PNPLA5: variants seen among roughly 807,000 people sequenced by gnomAD.
The protein encoded by PNPLA5 is patatin-like phospholipase domain-containing protein 5.
Under a neutral mutation model 49.1 loss-of-function variants are expected in PNPLA5, and 44 were observed. The observed-to-expected ratio is 0.90, with a 90% CI of 0.70 to 1.15. The LOEUF (loss-of-function observed/expected upper bound fraction) is 1.15. PNPLA5 is among the 50% of genes most tolerant of loss of function. The probability of loss-of-function intolerance (pLI) is 0.00; values close to 1 mark genes in which losing one functional copy is unlikely to be tolerated. For missense variants in PNPLA5, 603 were observed against 564.0 expected (o/e 1.07, Z -0.70); for synonymous variants, 243 against 244.4 (o/e 0.99, Z 0.06).
Position 43,891,830 on chromosome 22 carries a change from G to A in PNPLA5, c.51C>T (p.Ala17=), listed in dbSNP as rs1318402220. The A allele has an allele frequency of 2.0e-6, 3 of 1,520,058 alleles. No individual in the cohort carries two copies. The highest frequency in any genetic ancestry group is 2.5e-5 in the South Asian group (2 of 79,860). 94.2% of individuals were successfully genotyped at this position (1,520,058 alleles called of 1,614,324 possible). A position where few individuals can be genotyped will look rare whatever the true frequency, so the allele number is the denominator to read the frequency against. The change falls in exon 1 of 9, where the codon GCC becomes GCT. Residue 17 remains alanine (A), a synonymous_variant. Transcript: ENST00000216177. ...EGRWNLSFSG[A]GYLGAHHVGA... ...CCACGTGGTGGGCGCCCAGGTAGCCGGCGCCGGAGAAGGACAGGTTCCATC... is the reference window on the plus strand; with the variant it reads ...CCACGTGGTGGGCGCCCAGGTAGCCAGCGCCGGAGAAGGACAGGTTCCATC...
Position 43,891,823 on chromosome 22 carries a change from G to A in PNPLA5, c.58C>T (p.Leu20=), listed in dbSNP as rs2049728866. Residue 20 remains leucine (L), a synonymous_variant, in exon 1 of 9, where the codon CTG becomes TTG. Transcript: ENST00000216177. The stretch of plus-strand genomic sequence containing the variant: ...GTGGCGCCCACGTGGTGGGCGCCCA[G>A]GTAGCCGGCGCCGGAGAAGGACAGG... ...WNLSFSGAGY[L]GAHHVGATEC... is the part of the protein sequence containing the mutation. 2 of 1,520,148 alleles carry A rather than the reference G, an allele frequency of 1.3e-6. No homozygotes were observed. Among genetic ancestry groups the A allele is most frequent in the Non-Finnish European group, 1.8e-6 (2 of 1,138,918 alleles). The allele number at this position is 1,520,148 out of a possible 1,614,324, so 94.2% of individuals were successfully genotyped here. A position where few individuals can be genotyped will look rare whatever the true frequency, so the allele number is the denominator to read the frequency against.
Position 43,890,376 on chromosome 22 carries a change from G to A in PNPLA5, c.427-512C>T, listed in dbSNP as rs141600536. ...AAAGTTTGCAAGCTCTGGGTTGGTG[G>A]TTCTCAACTAGGAGTGATTTTCTCC... is the stretch of plus-strand genomic sequence containing the variant. On this transcript the variant is annotated intron_variant, in intron 2 of 8. Coordinates refer to ENST00000216177, the MANE Select transcript of PNPLA5 (RefSeq NM_138814.4). 1.1e-3 allele frequency among the ~76,000 whole-genome samples: 162 copies of A among 152,286 alleles called. 1 individual carries two copies. The highest frequency in any genetic ancestry group is 3.4e-3 in the Middle Eastern group (1 of 294).
intron 8 of PNPLA5, 34 bp from the exon 9 acceptor site, chr22:43,880,919 T>C: frequency 7.6e-7 from 1 of 1,312,396 alleles, no homozygotes; most frequent in Non-Finnish European, 9.8e-7. Flanking sequence ...GGTAAATGCC[T>C]GGGGCTCGGG....
chr22:43,891,552 G>T, intron 1 of PNPLA5, 136 bp downstream of exon 1: 1 of 1,302,696 alleles, frequency 7.7e-7, no homozygotes, highest in Non-Finnish European at 1.0e-6. Flanking sequence ...AGCACTCGGT[G>T]TTCTCATGGG....
At position 43,880,767 on chromosome 22, in the gene PNPLA5, G is replaced by A. The variant is rs1230934888; in HGVS notation, c.*28C>T. On this transcript the variant is annotated 3_prime_UTR_variant, in exon 9 of 9. Coordinates refer to ENST00000216177, the MANE Select transcript of PNPLA5 (RefSeq NM_138814.4). The stretch of plus-strand genomic sequence containing the variant: ...CCAGAGCAGGAATCAAGGGACACCA[G>A]TCACTGGGCTGGCCCTGCTCGGCCC... 6 of 1,311,666 alleles carry A rather than the reference G, an allele frequency of 4.6e-6. No homozygotes were observed. The highest frequency in any genetic ancestry group is 5.9e-6 in the Non-Finnish European group (6 of 1,025,120). 81.3% of individuals were successfully genotyped at this position (1,311,666 alleles called of 1,614,324 possible).
intron 7 of PNPLA5, 111 bp from the exon 8 acceptor site, chr22:43,881,785 T>C: frequency 6.8e-7 from 1 of 1,477,964 alleles, no homozygotes; most frequent in East Asian, 2.5e-5. Context: ...TCCTGAGGGC[T>C]GCCCAGGTTA....
rs1240660770 is a variant in PNPLA5, at chr22:43,891,837, GAGA to G, written c.41_43del (p.Phe14del). On this transcript the variant is annotated inframe_deletion, in exon 1 of 9. Coordinates refer to ENST00000216177, the MANE Select transcript of PNPLA5 (RefSeq NM_138814.4). ...GTGGGCGCCCAGGTAGCCGGCGCCG[GAGA>G]AGGACAGGTTCCATCTGCCCTCCTC... 130 of 1,520,992 alleles carry G rather than the reference GAGA, an allele frequency of 8.5e-5. No homozygotes were observed. Among genetic ancestry groups the G allele is most frequent in the Non-Finnish European group, 1.1e-4 (126 of 1,139,256 alleles). 94.2% of individuals were successfully genotyped at this position (1,520,992 alleles called of 1,614,324 possible).
At chr22:43,888,371 AGTGTGTGTGTGTGTGT>A (rs35343347) in intron 4 of PNPLA5, among the ~76,000 whole-genome samples, 16 of 112,988 alleles carry the variant, frequency 1.4e-4, no homozygotes, top group African/African-American at 2.9e-4. Context: ...GGGGCAGAGG[AGTGTGTGTGTGTGTGT>A]GTGTGTGTGT....
intron 6 of PNPLA5, among the ~76,000 whole-genome samples, chr22:43,885,462 C>T (rs1306262798): frequency 6.6e-6 from 1 of 151,710 alleles, no homozygotes; most frequent in Non-Finnish European, 1.5e-5. Flanking sequence ...GACCACCTGC[C>T]CACCCTGCCA....
At chr22:43,885,017 G>T (rs895351026) in intron 6 of PNPLA5, among the ~76,000 whole-genome samples, 1 of 152,196 alleles carries the variant, frequency 6.6e-6, no homozygotes, top group Admixed American at 6.5e-5. Flanking sequence ...GTCCTAGGAC[G>T]AGTCCTAGCT....
chr22:43,883,124 T>G (rs537992800), intron 7 of PNPLA5, among the ~76,000 whole-genome samples: 1 of 152,354 alleles, frequency 6.6e-6, no homozygotes, highest in African/African-American at 2.4e-5. Flanking sequence ...GAGAACATTC[T>G]CCTTGTCCTC....
chr22:43,889,781 G>A lies in PNPLA5; in HGVS notation c.492+18C>T, dbSNP rs544345852. ...CAGGCTGCCCAGAGCACAGAACGGG[G>A]TTCCAGAGTGCACTCACCTCCCCTC... On this transcript the variant is annotated intron_variant, in intron 3 of 8. Coordinates refer to ENST00000216177, the MANE Select transcript of PNPLA5 (RefSeq NM_138814.4). 1 of 1,610,548 alleles carries A rather than the reference G, an allele frequency of 6.2e-7. No homozygotes were observed. Among genetic ancestry groups the A allele is most frequent in the South Asian group, 1.1e-5 (1 of 90,522 alleles).
At chr22:43,887,894 G>T (rs2049682616) in intron 4 of PNPLA5, among the ~76,000 whole-genome samples, 1 of 152,198 alleles carries the variant, frequency 6.6e-6, no homozygotes, top group African/African-American at 2.4e-5. Flanking sequence ...CAGGACCATT[G>T]CATCTCCCCC....
rs549435243 is a variant in PNPLA5 at position 43,889,786 on chromosome 22, A to G, written c.492+13T>C. The G allele has an allele frequency of 1.9e-6, 3 of 1,611,326 alleles. No individual in the cohort carries two copies. In the East Asian group the frequency reaches 6.7e-5, roughly 36 times the overall value. On this transcript the variant is annotated intron_variant, in intron 3 of 8. Coordinates refer to ENST00000216177, the MANE Select transcript of PNPLA5 (RefSeq NM_138814.4). Reference sequence around the variant, plus strand: ...TGCCCAGAGCACAGAACGGGGTTCCAGAGTGCACTCACCTCCCCTCTGAAC... The same window carrying G: ...TGCCCAGAGCACAGAACGGGGTTCCGGAGTGCACTCACCTCCCCTCTGAAC...
intron 4 of PNPLA5, among the ~76,000 whole-genome samples, chr22:43,888,792 TA>T (rs1182603887): frequency 6.6e-6 from 1 of 152,140 alleles, no homozygotes; most frequent in Non-Finnish European, 1.5e-5. Context: ...TACCAAGGGG[TA>T]AAAAAACGCT....
intron 6 of PNPLA5, among the ~76,000 whole-genome samples, chr22:43,884,663 C>T (rs932307069): frequency 9.2e-5 from 14 of 152,322 alleles, no homozygotes; most frequent in Admixed American, 2.6e-4. Context: ...TTGTTTCTAC[C>T]TCTTCTGCCC....
Position 43,880,163 on chromosome 22 carries a change from T to C in PNPLA5, c.*632A>G. The C allele has an allele frequency of 2.7e-6, 1 of 363,654 alleles. No homozygotes were observed. The allele number at this position is 363,654 out of a possible 1,614,324, so 22.5% of individuals were successfully genotyped here. A position where few individuals can be genotyped will look rare whatever the true frequency, so the allele number is the denominator to read the frequency against. The stretch of plus-strand genomic sequence containing the variant: ...CAAACCTTCTGCAGGAATGAGGCTG[T>C]GGGGATAGCAGGGGCCACTGGGCCC... On this transcript the variant is annotated 3_prime_UTR_variant, in exon 9 of 9. Transcript: ENST00000216177.
At chr22:43,882,815 T>C (rs151238777) in intron 7 of PNPLA5, among the ~76,000 whole-genome samples, 7 of 152,316 alleles carry the variant, frequency 4.6e-5, no homozygotes, top group East Asian at 3.9e-4. Context: ...TAACTCAACA[T>C]TGAGCAGGAC....
Position 43,880,264 on chromosome 22 carries a change from C to T in PNPLA5, c.*531G>A. ...CTCCTCCTCCTGCTTCCTGCCAGGGCCTTCCACCCTCTGGACCTGATAGGA... is the reference window on the plus strand; with the variant it reads ...CTCCTCCTCCTGCTTCCTGCCAGGGTCTTCCACCCTCTGGACCTGATAGGA... On this transcript the variant is annotated 3_prime_UTR_variant, in exon 9 of 9. Coordinates refer to ENST00000216177, the MANE Select transcript of PNPLA5 (RefSeq NM_138814.4). 2.5e-6 allele frequency: 1 copy of T among 397,594 alleles called. No individual in the cohort carries two copies. The highest frequency in any genetic ancestry group is 4.4e-6 in the Non-Finnish European group (1 of 226,034). 24.6% of individuals were successfully genotyped at this position (397,594 alleles called of 1,614,324 possible).
Sources: allele counts gnomAD v4.1 joint callset (sites outside exome capture counted in the v4.1 genomes callset), GRCh38; gene constraint gnomAD v4.1.1; transcripts MANE v1.5; gene names NCBI Gene and HGNC (gene_info 2026-07-23, HGNC 2026-07-21).